The following LRRC9 variants were observed in gnomAD, a reference collection of about 807,000 sequenced individuals.
LRRC9 encodes the protein leucine rich repeat containing 9.
Under a neutral mutation model 63.2 loss-of-function variants are expected in LRRC9, and 122 were observed. The observed-to-expected ratio is 1.93, with a 90% CI of 1.67 to 2.24. The LOEUF (loss-of-function observed/expected upper bound fraction) is 2.24, where lower values mean the gene tolerates loss of function less well. Ranked by LOEUF, LRRC9 falls within the 30% of genes most tolerant of loss-of-function variation. The pLI, the probability that LRRC9 is intolerant of heterozygous loss-of-function variation, is 0.00. For synonymous variants in LRRC9, 366 were observed against 213.1 expected, an observed-to-expected ratio of 1.72 and a Z score of -6.25; for missense variants, 1,071 against 627.7, an observed-to-expected ratio of 1.71 and a Z score of -7.55.
intron 8 of LRRC9, 102 bp downstream of exon 8, chr14:59,944,846 TAATA>T: frequency 3.9e-6 from 2 of 508,420 alleles, no homozygotes; most frequent in Non-Finnish European, 6.8e-6. Context: ...CACACATATA[TAATA>T]CACACACACA....
chr14:60,052,889 T>A (rs1893996036), intron 29 of LRRC9, among the ~76,000 whole-genome samples, 176 bp from the exon 30 acceptor site: 1 of 152,244 alleles, frequency 6.6e-6, no homozygotes, highest in Admixed American at 6.5e-5. Flanking sequence ...TTATTTGGCA[T>A]AATAGGAAAT....
chr14:60,031,999 T>C lies in LRRC9; in HGVS notation c.3926T>C (p.Ile1309Thr), dbSNP rs978202660. 2 of 700,498 alleles carry C rather than the reference T, an allele frequency of 2.9e-6. No homozygotes were observed. Among genetic ancestry groups the C allele is most frequent in the African/African-American group, 3.5e-5 (2 of 57,170 alleles). The allele number at this position is 700,498 out of a possible 1,614,324, so 43.4% of individuals were successfully genotyped here. A position where few individuals can be genotyped will look rare whatever the true frequency, so the allele number is the denominator to read the frequency against. Residue 1309 changes from isoleucine (I) to threonine (T), a missense_variant, in exon 29 of 32, where the codon ATC becomes ACC. Coordinates refer to ENST00000445360, the Ensembl canonical transcript of LRRC9. The surrounding 1 kb of genome is among the most constrained non-coding windows in gnomAD (Gnocchi z 4.6). ...TACTGATTAACTTTTGAATAGGATA[T>C]CACAGAACTGGAAAAACTTGACGTT...
At chr14:59,926,003 G>C (rs534322877) in intron 1 of LRRC9, among the ~76,000 whole-genome samples, 3 of 152,254 alleles carry the variant, frequency 2.0e-5, no homozygotes, top group East Asian at 3.9e-4. Flanking sequence ...CTCTCATTCT[G>C]TCTCTTGCTG....
exon 22 of LRRC9, chr14:60,006,410 G>T (rs200037959): frequency 5.8e-6 from 4 of 689,936 alleles, no homozygotes; most frequent in Non-Finnish European, 1.1e-5. Flanking sequence ...TTTCCAAGAT[G>T]ACTAAATTAA....
Position 60,058,138 on chromosome 14 carries a change from T to C in LRRC9, c.4276+116T>C, listed in dbSNP as rs1379750044. On this transcript the variant is annotated intron_variant, in intron 31 of 31. Transcript: ENST00000445360. This position sits in a 1 kb window ranked among gnomAD's most constrained non-coding sequence, Gnocchi z 4.4. ...TGTTTTTAACTTACATTTCCTAAAA[T>C]TGCATGTTTGCTCAAGTTTCCTATG... 2.2e-6 allele frequency: 1 copy of C among 460,118 alleles called. No individual in the cohort carries two copies. Among genetic ancestry groups the C allele is most frequent in the African/African-American group, 1.9e-5 (1 of 51,924 alleles). 28.5% of individuals were successfully genotyped at this position (460,118 alleles called of 1,614,324 possible). A position where few individuals can be genotyped will look rare whatever the true frequency, so the allele number is the denominator to read the frequency against.
intron 26 of LRRC9, among the ~76,000 whole-genome samples, chr14:60,021,595 T>C (rs946455483): frequency 2.0e-5 from 3 of 151,940 alleles, no homozygotes; most frequent in African/African-American, 7.2e-5. Context: ...TTGTTTTCTT[T>C]AAAAAGTTTT....
At chr14:60,048,561 A>G (rs771134913) in intron 29 of LRRC9, among the ~76,000 whole-genome samples, 11 of 152,174 alleles carry the variant, frequency 7.2e-5, no homozygotes, top group Admixed American at 2.0e-4. Context: ...AAATTCCTGG[A>G]TAGGTACACC....
chr14:59,994,070 A>C (rs1888469399), intron 17 of LRRC9, among the ~76,000 whole-genome samples: 1 of 152,100 alleles, frequency 6.6e-6, no homozygotes, highest in African/African-American at 2.4e-5. Flanking sequence ...GAAGTAAAGC[A>C]CTCCTCAGCA....
rs1371230700 is a variant in LRRC9 at position 59,921,126 on chromosome 14, C to T, written c.-34+1243C>T. Among the ~76,000 whole-genome samples the T allele has an allele frequency of 4.6e-5, 7 of 152,214 alleles. No individual in the cohort carries two copies. The East Asian group carries it at 1.3e-3, about 29-fold the overall frequency. ...TTAGGGAAGTATGGAGTATGCCATA[C>T]AGCCAAGGGAAAAGGACATTTTAGG... On this transcript the variant is annotated intron_variant, in intron 1 of 31. Coordinates refer to ENST00000445360, the Ensembl canonical transcript of LRRC9.
At chr14:59,925,368 T>G (rs1190666335) in intron 1 of LRRC9, among the ~76,000 whole-genome samples, 1 of 152,192 alleles carries the variant, frequency 6.6e-6, no homozygotes, top group Non-Finnish European at 1.5e-5. Context: ...CCTTGAAGTC[T>G]GCCTCCTCTG....
At chr14:59,931,553 C>A in intron 4 of LRRC9, 66 bp from the exon 5 acceptor site, 1 of 667,678 alleles carries the variant, frequency 1.5e-6, no homozygotes, top group South Asian at 1.6e-5. Context: ...CCAGATTAAT[C>A]AGAGATGATT....
chr14:59,954,832 TTTA>T (rs1429480745), intron 8 of LRRC9, among the ~76,000 whole-genome samples: 1 of 152,162 alleles, frequency 6.6e-6, no homozygotes, highest in African/African-American at 2.4e-5. Context: ...CAATACCTAG[TTTA>T]TTGAGAGTTT....
At position 59,936,205 on chromosome 14, in the gene LRRC9, A is replaced by T. The variant is rs552672222; in HGVS notation, c.544-2185A>T. ...TGCTGTATTTCAGTATCTTCATTTTAAAAATGATGATAGCAGGATTATTAT... is the reference window on the plus strand; with the variant it reads ...TGCTGTATTTCAGTATCTTCATTTTTAAAATGATGATAGCAGGATTATTAT... On this transcript the variant is annotated intron_variant, in intron 6 of 31. Coordinates refer to ENST00000445360, the Ensembl canonical transcript of LRRC9. The surrounding 1 kb of genome is among the most constrained non-coding windows in gnomAD (Gnocchi z 4.2). 6.6e-5 allele frequency among the ~76,000 whole-genome samples: 10 copies of T among 152,320 alleles called. No individual in the cohort carries two copies. In the South Asian group the frequency reaches 8.3e-4, roughly 13 times the overall value.
rs143865498 is a variant in LRRC9 at position 59,978,914 on chromosome 14, A to C, written c.1878+782A>C. ...AAGTGTGTGTGACAGTGCATGTCTC[A>C]TTACATTTGCCAACACAAGATGTTA... On this transcript the variant is annotated intron_variant, in intron 15 of 31. Transcript: ENST00000445360. Among the ~76,000 whole-genome samples the C allele has an allele frequency of 8.5e-5, 13 of 152,280 alleles. 1 individual carries two copies. The highest frequency in any genetic ancestry group is 2.9e-4 in the African/African-American group (12 of 41,556).
intron 31 of LRRC9, among the ~76,000 whole-genome samples, chr14:60,059,807 G>A (rs923192722): frequency 2.6e-5 from 4 of 152,210 alleles, no homozygotes; most frequent in Admixed American, 6.5e-5. Context: ...AAAGTGTAAG[G>A]TGAAGCAGCA....
chr14:59,981,562 A>T (rs1404453228), intron 15 of LRRC9, among the ~76,000 whole-genome samples: 1 of 152,158 alleles, frequency 6.6e-6, no homozygotes, highest in Non-Finnish European at 1.5e-5. Flanking sequence ...TTTCTGATTC[A>T]TGTGTCACAA....
chr14:59,976,841 T>C (rs1333393614), intron 13 of LRRC9, among the ~76,000 whole-genome samples: 4 of 152,202 alleles, frequency 2.6e-5, no homozygotes, highest in Non-Finnish European at 5.9e-5. Context: ...AGTAGACATA[T>C]ATTGAGTGCC....
chr14:60,054,993 T>C (rs950808356), intron 30 of LRRC9, among the ~76,000 whole-genome samples: 6 of 152,144 alleles, frequency 3.9e-5, no homozygotes, highest in Admixed American at 3.3e-4. Context: ...CTCCTAACCT[T>C]AGGCAATCCA....
intron 17 of LRRC9, among the ~76,000 whole-genome samples, chr14:59,995,739 A>G (rs1431957659): frequency 6.8e-6 from 1 of 146,854 alleles, no homozygotes. Context: ...TTTTTTTGTT[A>G]TATTTTATTT....
Sources: allele counts gnomAD v4.1 joint callset (sites outside exome capture counted in the v4.1 genomes callset), GRCh38; gene constraint gnomAD v4.1.1; non-coding constraint Gnocchi (gnomAD v3.1); transcripts MANE v1.5; gene names NCBI Gene and HGNC (gene_info 2026-07-23, HGNC 2026-07-21).